ROR1: variants seen among roughly 807,000 people sequenced by gnomAD.
The protein encoded by ROR1 is ROR family WNT receptor 1, also known as inactive tyrosine-protein kinase transmembrane receptor ROR1.
In ROR1, 19 loss-of-function variants were observed where a neutral mutation model predicts 78.8. The observed-to-expected ratio is 0.24, with a 90% CI of 0.17 to 0.35. The LOEUF (loss-of-function observed/expected upper bound fraction) is 0.35, where lower values mean the gene tolerates loss of function less well. Among genes scored for constraint, ROR1 ranks in the 10% least tolerant of loss-of-function variants. ROR1 has a pLI of 1.00. For missense variants in ROR1, 917 were observed against 1,177.8 expected, an observed-to-expected ratio of 0.78 and a Z score of 3.24; for synonymous variants, 386 against 433.6, an observed-to-expected ratio of 0.89 and a Z score of 1.36.
chr1:63,789,930 C>T (rs999342643), intron 1 of ROR1, among the ~76,000 whole-genome samples: 2 of 152,088 alleles, frequency 1.3e-5, no homozygotes, highest in African/African-American at 4.8e-5. Flanking sequence ...TCTACAACCC[C>T]CTCTGTGGTC....
chr1:64,019,773 C>T (rs1235638745), intron 2 of ROR1, among the ~76,000 whole-genome samples: 2 of 152,130 alleles, frequency 1.3e-5, no homozygotes, highest in Non-Finnish European at 2.9e-5. Flanking sequence ...AGGGAAAAGT[C>T]GTATTTTGAA....
chr1:64,097,636 C>T (rs2762855), intron 4 of ROR1, among the ~76,000 whole-genome samples: 58,402 of 151,002 alleles, frequency 0.39, 12,632 homozygotes, highest in Non-Finnish European at 0.5. Flanking sequence ...GTTATTTTGT[C>T]CTAGGTATAA....
At position 64,034,453 on chromosome 1, in the gene ROR1, A is replaced by T. The variant is rs1646685232; in HGVS notation, c.164-15238A>T. 2.6e-5 allele frequency among the ~76,000 whole-genome samples: 4 copies of T among 152,172 alleles called. No homozygotes were observed. The South Asian group carries it at 8.3e-4, about 31-fold the overall frequency. ...TCCAAAATGGAATGATTGGAGAAAA[A>T]ATATGAACGAGGGTGTCTTGTTTGG... On this transcript the variant is annotated intron_variant, in intron 2 of 8. Coordinates refer to ENST00000371079, the MANE Select transcript of ROR1 (RefSeq NM_005012.4).
rs144542277 is a variant in ROR1 at position 64,104,357 on chromosome 1, A to G, written c.483-33012A>G. ...ATCATTATTATTTTTACTTAAAGCCATGTGTGACAGGACTTTGCAAGGAGG... is the reference window on the plus strand; with the variant it reads ...ATCATTATTATTTTTACTTAAAGCCGTGTGTGACAGGACTTTGCAAGGAGG... On this transcript the variant is annotated intron_variant, in intron 4 of 8. Coordinates refer to ENST00000371079, the MANE Select transcript of ROR1 (RefSeq NM_005012.4). 2.2e-3 allele frequency among the ~76,000 whole-genome samples: 332 copies of G among 152,240 alleles called. 2 individuals are homozygous for G. The highest frequency in any genetic ancestry group is 7.5e-3 in the African/African-American group (313 of 41,540).
intron 1 of ROR1, among the ~76,000 whole-genome samples, chr1:63,951,646 T>C (rs1645936621): frequency 6.6e-6 from 1 of 152,176 alleles, no homozygotes; most frequent in South Asian, 2.1e-4. Context: ...CCACCCTTTA[T>C]GCCTCTCCAG....
chr1:63,956,754 A>G (rs1645985703), intron 1 of ROR1, among the ~76,000 whole-genome samples: 1 of 152,184 alleles, frequency 6.6e-6, no homozygotes, highest in Non-Finnish European at 1.5e-5. Context: ...GTAGTGAAAG[A>G]ATTCGAACCT....
chr1:63,928,915 G>C (rs1290369490), intron 1 of ROR1, among the ~76,000 whole-genome samples: 3 of 152,204 alleles, frequency 2.0e-5, no homozygotes, highest in Non-Finnish European at 2.9e-5. Context: ...AAAGGACACA[G>C]TGTGCCCTCT....
chr1:63,862,677 T>G (rs1430700938), intron 1 of ROR1, among the ~76,000 whole-genome samples: 2 of 152,144 alleles, frequency 1.3e-5, no homozygotes, highest in Non-Finnish European at 2.9e-5. Flanking sequence ...CTTGATCTAC[T>G]GCTGAGCATA....
At chr1:64,011,808 C>T (rs557942170) in intron 2 of ROR1, among the ~76,000 whole-genome samples, 1 of 152,226 alleles carries the variant, frequency 6.6e-6, no homozygotes, top group East Asian at 1.9e-4. Flanking sequence ...ATTTGTTGAT[C>T]AAAACCTTAT....
At chr1:63,892,649 C>T (rs1000626062) in intron 1 of ROR1, among the ~76,000 whole-genome samples, 2 of 152,168 alleles carry the variant, frequency 1.3e-5, no homozygotes, top group Non-Finnish European at 2.9e-5. Flanking sequence ...CAGTAAAACC[C>T]ATGCTTATGG....
intron 7 of ROR1, among the ~76,000 whole-genome samples, chr1:64,155,660 TC>T (rs2100726312): frequency 6.6e-6 from 1 of 152,300 alleles, no homozygotes; most frequent in East Asian, 1.9e-4. Context: ...CAGAATAGAC[TC>T]CTTTGTTTGC....
chr1:64,146,960 C>T (rs1649490117), intron 7 of ROR1, among the ~76,000 whole-genome samples: 1 of 152,210 alleles, frequency 6.6e-6, no homozygotes, highest in Non-Finnish European at 1.5e-5. Flanking sequence ...GTCTAAATCA[C>T]ACAGCCAACC....
At chr1:64,056,929 A>G (rs1646880222) in intron 4 of ROR1, among the ~76,000 whole-genome samples, 2 of 152,242 alleles carry the variant, frequency 1.3e-5, no homozygotes, top group African/African-American at 4.8e-5. Context: ...TATTAGATAT[A>G]TGATTTGCAA....
At chr1:63,976,761 G>T (rs1646164578) in intron 1 of ROR1, among the ~76,000 whole-genome samples, 1 of 152,136 alleles carries the variant, frequency 6.6e-6, no homozygotes, top group Non-Finnish European at 1.5e-5. Flanking sequence ...TCTTGGGCCA[G>T]AAGTGTTTTG....
chr1:63,994,886 CT>C (rs140302333), intron 1 of ROR1, among the ~76,000 whole-genome samples: 5,097 of 152,292 alleles, frequency 0.033, 279 homozygotes, highest in African/African-American at 0.12. Context: ...TGCACAGTAG[CT>C]TTGGTCGTTC....
At chr1:64,028,032 AACAATGTAG>A (rs1646628515) in intron 2 of ROR1, among the ~76,000 whole-genome samples, 1 of 152,134 alleles carries the variant, frequency 6.6e-6, no homozygotes, top group African/African-American at 2.4e-5. Flanking sequence ...TTGGCAGGAA[AACAATGTAG>A]ACAGAGCCTC....
At chr1:64,113,969 A>G (rs993051246) in intron 4 of ROR1, among the ~76,000 whole-genome samples, 3 of 152,164 alleles carry the variant, frequency 2.0e-5, no homozygotes, top group African/African-American at 7.2e-5. Flanking sequence ...GTGGTGATAT[A>G]TGTGGATTAA....
chr1:63,966,952 C>T lies in ROR1; in HGVS notation c.92-42353C>T, dbSNP rs17125881. 5.9e-3 allele frequency among the ~76,000 whole-genome samples: 894 copies of T among 152,300 alleles called. 19 individuals are homozygous for T. The highest frequency in any genetic ancestry group is 0.057 in the East Asian group (295 of 5,182). ...GACCCTTATTTCCTCTGCTTATATG[C>T]TTGCATTCTACTTTGGTTAGGTGCT... On this transcript the variant is annotated intron_variant, in intron 1 of 8. Coordinates refer to ENST00000371079, the MANE Select transcript of ROR1 (RefSeq NM_005012.4).
At position 63,774,297 on chromosome 1, in the gene ROR1, T is replaced by TC; in HGVS notation, c.-117dup. Reference sequence around the variant, plus strand: ...AGAGGGACAAAGAGCTTTGCAGACGTCCCCGGCGTCCTGCGAGCGCCAGCG... The same window carrying TC: ...AGAGGGACAAAGAGCTTTGCAGACGTCCCCCGGCGTCCTGCGAGCGCCAGCG... On this transcript the variant is annotated 5_prime_UTR_variant, in exon 1 of 9. Transcript: ENST00000371079. This position sits in a 1 kb window ranked among gnomAD's most constrained non-coding sequence, Gnocchi z 5.7. 1 of 494,992 alleles carries TC rather than the reference T, an allele frequency of 2.0e-6. No individual in the cohort carries two copies. The highest frequency in any genetic ancestry group is 3.2e-6 in the Non-Finnish European group (1 of 312,830). The allele number at this position is 494,992 out of a possible 1,614,324, so 30.7% of individuals were successfully genotyped here.
Sources: gnomAD v4.1 joint callset for allele counts (sites outside exome capture counted in the v4.1 genomes callset) on GRCh38, gnomAD v4.1.1 for gene constraint, Gnocchi (gnomAD v3.1) non-coding constraint, MANE v1.5 for transcripts, NCBI Gene and HGNC (gene_info 2026-07-23, HGNC 2026-07-21) for gene names.